APAF1: variants seen among roughly 807,000 people sequenced by gnomAD.
The protein encoded by APAF1 is apoptotic protease-activating factor 1.
A neutral mutation model predicts 152.4 loss-of-function variants in APAF1; 91 were observed. The ratio of observed to expected loss-of-function variants is 0.60; its 90% CI spans 0.50 to 0.71. The LOEUF is 0.71. Among genes scored for constraint, APAF1 ranks in the 30% least tolerant of loss-of-function variants. The pLI, the probability that APAF1 is intolerant of heterozygous loss-of-function variation, is 0.00. For synonymous variants in APAF1, 484 were observed against 494.1 expected, an observed-to-expected ratio of 0.98 and a Z score of 0.27; for missense variants, 1,283 against 1,472.0, an observed-to-expected ratio of 0.87 and a Z score of 2.10.
At chr12:98,690,719 G>A (rs2097703206) in intron 16 of APAF1, among the ~76,000 whole-genome samples, 1 of 152,096 alleles carries the variant, frequency 6.6e-6, no homozygotes, top group Non-Finnish European at 1.5e-5. Flanking sequence ...TAATTTATTT[G>A]CTTTTCCACT....
At position 98,667,622 on chromosome 12, in the gene APAF1, T is replaced by C. The variant is rs1320859195; in HGVS notation, c.1472T>C (p.Met491Thr). The C allele has an allele frequency of 2.5e-6, 4 of 1,613,878 alleles. No homozygotes were observed. The highest frequency in any genetic ancestry group is 3.4e-6 in the Non-Finnish European group (4 of 1,179,962). Residue 491 changes from methionine (M) to threonine (T), a missense_variant, in exon 10 of 27, where the codon ATG (methionine) becomes ACG (threonine). By Grantham distance (81) the Met-to-Thr change is moderately conservative (BLOSUM62 -1). Coordinates refer to ENST00000551964, the MANE Select transcript of APAF1 (RefSeq NM_181861.2). The stretch of plus-strand genomic sequence containing the variant: ...TGGTACAACTTTCTGGCCTATCACA[T>C]GGCCAGTGCCAAGATGCACAAGGTA... ...MYWYNFLAYH[M>T]ASAKMHKELC... is the part of the protein sequence containing the mutation.
At chr12:98,681,223 A>G (rs541741873) in intron 14 of APAF1, among the ~76,000 whole-genome samples, 1 of 152,110 alleles carries the variant, frequency 6.6e-6, no homozygotes, top group Admixed American at 6.5e-5. Context: ...CACCATGCCC[A>G]GCTAATTTTT....
At chr12:98,681,578 G>A (rs1027858644) in intron 14 of APAF1, among the ~76,000 whole-genome samples, 1 of 152,096 alleles carries the variant, frequency 6.6e-6, no homozygotes, top group Non-Finnish European at 1.5e-5. Flanking sequence ...TTTGCCTTGG[G>A]TGTTTTCCTG....
Position 98,662,540 on chromosome 12 carries a change from A to G in APAF1, c.795A>G (p.Arg265=). ...AGTGTCAGATTCTTCTTACAACCAG[A>G]GACAAGAGTGTTACAGATTCAGTAA... ...DSQCQILLTT[R]DKSVTDSVMG... Residue 265 remains arginine (R), a synonymous_variant, in exon 6 of 27, where the codon AGA becomes AGG. Coordinates refer to ENST00000551964, the MANE Select transcript of APAF1 (RefSeq NM_181861.2). The G allele has an allele frequency of 6.2e-7, 1 of 1,613,504 alleles. No homozygotes were observed. Among genetic ancestry groups the G allele is most frequent in the Non-Finnish European group, 8.5e-7 (1 of 1,179,620 alleles).
chr12:98,725,816 G>A lies in APAF1; in HGVS notation c.3456+276G>A, dbSNP rs1269531071. On this transcript the variant is annotated intron_variant, in intron 25 of 26. Transcript: ENST00000551964. ...CATTCTCTGCCATTAGCTTGAGAAT[G>A]ATTCATCTTAATTCTTGGACTTGAA... Among the ~76,000 whole-genome samples, 6 of 152,236 alleles carry A rather than the reference G, an allele frequency of 3.9e-5. No homozygotes were observed. In the East Asian group the frequency reaches 1.2e-3, roughly 29 times the overall value.
At position 98,667,604 on chromosome 12, in the gene APAF1, ACT is replaced by A. The variant is rs751172038; in HGVS notation, c.1455_1456del (p.Phe486SerfsTer25). 4.3e-6 allele frequency: 7 copies of A among 1,614,064 alleles called. No individual in the cohort carries two copies. The highest frequency in any genetic ancestry group is 5.9e-6 in the Non-Finnish European group (7 of 1,180,022). ...CAGGAAGACTGTATGTATTGGTACA[ACT>A]TTCTGGCCTATCACATGGCCAGTGC... On this transcript the variant is annotated frameshift_variant, in exon 10 of 27. Transcript: ENST00000551964. LOFTEE classifies it high-confidence loss of function.
At chr12:98,683,651 G>A (rs1014562024) in intron 15 of APAF1, among the ~76,000 whole-genome samples, 1 of 152,130 alleles carries the variant, frequency 6.6e-6, no homozygotes, top group Non-Finnish European at 1.5e-5. Flanking sequence ...CTCTCTCCTA[G>A]AACCCATAGA....
rs527641331 is a variant in APAF1 at position 98,679,295 on chromosome 12, G to T, written c.1921-982G>T. Among the ~76,000 whole-genome samples, 6 of 152,192 alleles carry T rather than the reference G, an allele frequency of 3.9e-5. No homozygotes were observed. In the East Asian group the frequency reaches 1.2e-3, roughly 29 times the overall value. ...AGATGACAGGAGGACCAGCTGCAGAGAGGAGCTACCCTCTCTGCTGATAGC... is the reference window on the plus strand; with the variant it reads ...AGATGACAGGAGGACCAGCTGCAGATAGGAGCTACCCTCTCTGCTGATAGC... On this transcript the variant is annotated intron_variant, in intron 13 of 26. Transcript: ENST00000551964.
At chr12:98,688,191 C>G (rs1222251603) in intron 16 of APAF1, among the ~76,000 whole-genome samples, 1 of 152,186 alleles carries the variant, frequency 6.6e-6, no homozygotes, top group Non-Finnish European at 1.5e-5. Context: ...TTCCTCAAAT[C>G]CCCACCTTCT....
At position 98,715,235 on chromosome 12, in the gene APAF1, CATATATATATATATATATATATATATAT is replaced by C. The variant is rs61430351; in HGVS notation, c.2959-173_2959-146del. 9.3e-4 allele frequency among the ~76,000 whole-genome samples: 51 copies of C among 54,794 alleles called. 3 individuals are homozygous for C. Among genetic ancestry groups the C allele is most frequent in the African/African-American group, 9.9e-4 (14 of 14,142 alleles). The allele number at this position is 54,794 out of a possible 152,430, so 35.9% of individuals were successfully genotyped here. The stretch of plus-strand genomic sequence containing the variant: ...TTTGCATGTAGGCATACATGGTGTG[CATATATATATATATATATATATATATAT>C]ATATATATATATATATATGACATTC... On this transcript the variant is annotated intron_variant, in intron 21 of 26. Transcript: ENST00000551964.
Position 98,704,850 on chromosome 12 carries a change from G to A in APAF1, c.2595+1351G>A, listed in dbSNP as rs955089525. Among the ~76,000 whole-genome samples, 16 of 152,220 alleles carry A rather than the reference G, an allele frequency of 1.1e-4. No individual in the cohort carries two copies. The East Asian group carries it at 2.3e-3, about 22-fold the overall frequency. On this transcript the variant is annotated intron_variant, in intron 18 of 26. Coordinates refer to ENST00000551964, the MANE Select transcript of APAF1 (RefSeq NM_181861.2). ...GCTGCAGTGTAGTGTTGTAATCTCA[G>A]CTCACTGCAACCTCCACCTCCCGGG...
At chr12:98,727,870 G>C (rs951077694) in intron 26 of APAF1, among the ~76,000 whole-genome samples, 53 of 150,708 alleles carry the variant, frequency 3.5e-4, no homozygotes, top group African/African-American at 1.2e-3. Flanking sequence ...GAACCCGGGA[G>C]GTGAAGGTTG....
Position 98,725,501 on chromosome 12 carries a change from T to A in APAF1, c.3417T>A (p.Ser1139Arg), listed in dbSNP as rs764895219. The part of the protein sequence containing the change: ...CVRCSAFSVD[S>R]TLLATGDDNG... Reference sequence around the variant, plus strand: ...GCTGCTCTGCCTTCTCTGTGGACAGTACCCTGCTGGCAACGGGAGATGACA... The same window carrying A: ...GCTGCTCTGCCTTCTCTGTGGACAGAACCCTGCTGGCAACGGGAGATGACA... Residue 1139 changes from serine to arginine, a missense_variant, in exon 25 of 27, where the codon AGT (serine) becomes AGA (arginine). Physicochemically the swap from Ser to Arg is moderately radical, Grantham distance 110. Coordinates refer to ENST00000551964, the MANE Select transcript of APAF1 (RefSeq NM_181861.2). 6.2e-7 allele frequency: 1 copy of A among 1,614,170 alleles called. No homozygotes were observed. The highest frequency in any genetic ancestry group is 8.5e-7 in the Non-Finnish European group (1 of 1,180,018).
chr12:98,697,838 C>A (rs1292118645), intron 16 of APAF1, among the ~76,000 whole-genome samples: 1 of 152,156 alleles, frequency 6.6e-6, no homozygotes, highest in Non-Finnish European at 1.5e-5. Flanking sequence ...ATGTCCTGCC[C>A]CAAATGGCTC....
Position 98,727,195 on chromosome 12 carries a change from A to G in APAF1, c.3479A>G (p.Glu1160Gly). The G allele has an allele frequency of 6.2e-7, 1 of 1,614,180 alleles. No individual in the cohort carries two copies. Among genetic ancestry groups the G allele is most frequent in the Non-Finnish European group, 8.5e-7 (1 of 1,180,026 alleles). ...TAGATATGGAATGTCTCAAACGGTGAGCTTCTTCATTTGTGTGCTCCGCTT... is the reference window on the plus strand; with the variant it reads ...TAGATATGGAATGTCTCAAACGGTGGGCTTCTTCATTTGTGTGCTCCGCTT... ...EIRIWNVSNG[E>G]LLHLCAPLSE... Residue 1160 changes from glutamate (E) to glycine (G), a missense_variant, in exon 26 of 27, where the codon GAG (glutamate) becomes GGG (glycine). Coordinates refer to ENST00000551964, the MANE Select transcript of APAF1 (RefSeq NM_181861.2).
rs117235991 is a variant in APAF1, at chr12:98,699,448, A to C, written c.2345A>C (p.Asn782Thr). 9.0e-3 allele frequency: 14,457 copies of C among 1,614,144 alleles called. 99 individuals are homozygous for C. The highest frequency in any genetic ancestry group is 0.018 in the Middle Eastern group (112 of 6,062). ...TCAGCAAATGAGAGGAAAAGCATTA[A>C]TGTGAAACAGTTCTTCCTAAATTTG... The part of the protein sequence containing the change: ...ATSANERKSI[N>T]VKQFFLNLED... Residue 782 changes from asparagine to threonine, a missense_variant, in exon 17 of 27, where the codon AAT becomes ACT. By Grantham distance (65) the Asn-to-Thr change is moderately conservative. Transcript: ENST00000551964.
intron 22 of APAF1, among the ~76,000 whole-genome samples, chr12:98,718,348 T>C (rs1320435129): frequency 6.6e-6 from 1 of 152,122 alleles, no homozygotes; most frequent in Non-Finnish European, 1.5e-5. Flanking sequence ...TTCTTCTGCT[T>C]CAGCCTCCTG....
intron 14 of APAF1, 141 bp downstream of exon 14, chr12:98,680,543 C>A: frequency 1.1e-6 from 1 of 893,612 alleles, no homozygotes; most frequent in Non-Finnish European, 1.7e-6. Context: ...TTAACACTAT[C>A]TGAAAATTCT....
At chr12:98,665,269 TATATATATA>T (rs1213462918) in intron 7 of APAF1, among the ~76,000 whole-genome samples, 2 of 103,466 alleles carry the variant, frequency 1.9e-5, no homozygotes, top group Admixed American at 9.5e-5. Context: ...TATATATATA[TATATATATA>T]TTTTTTTTTT....
Sources: allele counts gnomAD v4.1 joint callset (sites outside exome capture counted in the v4.1 genomes callset), GRCh38; gene constraint gnomAD v4.1.1; transcripts MANE v1.5; gene names NCBI Gene and HGNC (gene_info 2026-07-23, HGNC 2026-07-21).